The following MAP4K5 variants were observed in gnomAD, a reference collection of about 807,000 sequenced individuals.
MAP4K5 encodes mitogen-activated protein kinase kinase kinase kinase 5.
In MAP4K5, 82 loss-of-function variants were observed where a neutral mutation model predicts 135.6. The observed-to-expected ratio is 0.60, with a 90% confidence interval of 0.51 to 0.73. The LOEUF (loss-of-function observed/expected upper bound fraction) is 0.73. Ranked by LOEUF, MAP4K5 falls within the 30% of genes least tolerant of loss-of-function variation. The pLI, the probability that MAP4K5 is intolerant of heterozygous loss-of-function variation, is 0.00. For missense variants in MAP4K5, 907 were observed against 1,010.9 expected (o/e 0.90, Z 1.39); for synonymous variants, 347 against 335.0 (o/e 1.04, Z -0.39).
chr14:50,510,708 T>G (rs73289808), intron 2 of MAP4K5, among the ~76,000 whole-genome samples: 11 of 152,302 alleles, frequency 7.2e-5, no homozygotes, highest in Non-Finnish European at 1.6e-4. Context: ...ACTACAAAAG[T>G]AAGATTTTGT....
At chr14:50,516,394 C>T (rs1310555941) in intron 2 of MAP4K5, among the ~76,000 whole-genome samples, 3 of 152,080 alleles carry the variant, frequency 2.0e-5, no homozygotes, top group Non-Finnish European at 4.4e-5. Flanking sequence ...CTAGTGATAT[C>T]CTATAAGCTG....
At chr14:50,557,814 C>A (rs1359736550) in intron 1 of MAP4K5, among the ~76,000 whole-genome samples, 1 of 152,174 alleles carries the variant, frequency 6.6e-6, no homozygotes, top group Non-Finnish European at 1.5e-5. Flanking sequence ...TTTCTAAACA[C>A]CTTTTCTCGT....
At chr14:50,452,984 C>G (rs373109422) in intron 14 of MAP4K5, among the ~76,000 whole-genome samples, 3 of 152,122 alleles carry the variant, frequency 2.0e-5, no homozygotes, top group East Asian at 3.8e-4. Flanking sequence ...CCACTTTTTG[C>G]TAGCTGGAGG....
chr14:50,428,206 G>T (rs1376802022), intron 30 of MAP4K5, among the ~76,000 whole-genome samples: 1 of 151,928 alleles, frequency 6.6e-6, no homozygotes, highest in Non-Finnish European at 1.5e-5. Flanking sequence ...TGTTTCAGGT[G>T]CTTAACAGCC....
intron 13 of MAP4K5, 103 bp downstream of exon 13, chr14:50,462,562 A>T: frequency 1.3e-6 from 1 of 743,300 alleles, no homozygotes; most frequent in Non-Finnish European, 2.3e-6. Context: ...AACCTGTTTT[A>T]ACTAAGTTAA....
chr14:50,471,648 T>C (rs1233257243), intron 9 of MAP4K5: 1 of 152,228 alleles, frequency 6.6e-6, no homozygotes, highest in Non-Finnish European at 1.5e-5. Flanking sequence ...GTGCTCACAC[T>C]GGAGAGAAAC....
intron 29 of MAP4K5, 89 bp downstream of exon 29, chr14:50,429,103 C>T (rs2139644777): frequency 9.1e-6 from 7 of 769,574 alleles, no homozygotes; most frequent in Non-Finnish European, 1.4e-5. Flanking sequence ...TTAGTAAAAA[C>T]AGTAAAAATC....
At chr14:50,462,196 T>C (rs532190160) in intron 13 of MAP4K5, among the ~76,000 whole-genome samples, 1 of 152,334 alleles carries the variant, frequency 6.6e-6, no homozygotes, top group South Asian at 2.1e-4. Context: ...TTTTGTTTTC[T>C]TGGTTGAAAG....
At chr14:50,529,989 G>T (rs1424372597) in intron 2 of MAP4K5, among the ~76,000 whole-genome samples, 1 of 152,194 alleles carries the variant, frequency 6.6e-6, no homozygotes, top group African/African-American at 2.4e-5. Context: ...AAATGGAGGG[G>T]TGGAAGGTGA....
intron 2 of MAP4K5, among the ~76,000 whole-genome samples, chr14:50,528,309 G>A (rs1236676206): frequency 6.6e-6 from 1 of 151,800 alleles, no homozygotes; most frequent in Non-Finnish European, 1.5e-5. Flanking sequence ...GCTTCAGAGG[G>A]GATCTGTGGT....
intron 13 of MAP4K5, among the ~76,000 whole-genome samples, chr14:50,457,708 T>C (rs1007263179): frequency 6.6e-6 from 1 of 152,182 alleles, no homozygotes; most frequent in Non-Finnish European, 1.5e-5. Context: ...GAATTTCCTC[T>C]ATATTACAAA....
chr14:50,490,727 G>A (rs907921788), intron 3 of MAP4K5, among the ~76,000 whole-genome samples: 13 of 152,178 alleles, frequency 8.5e-5, no homozygotes, highest in Non-Finnish European at 1.5e-5. Flanking sequence ...GGGTCACCTT[G>A]AGGGGCTGGT....
At chr14:50,551,922 T>G (rs567099680) in intron 1 of MAP4K5, among the ~76,000 whole-genome samples, 2 of 151,830 alleles carry the variant, frequency 1.3e-5, no homozygotes, top group African/African-American at 4.8e-5. Flanking sequence ...ACAAGGAAAA[T>G]TTGAAAGCAT....
At chr14:50,446,244 C>T in intron 16 of MAP4K5, 123 bp from the exon 17 acceptor site, 1 of 578,968 alleles carries the variant, frequency 1.7e-6, no homozygotes, top group Non-Finnish European at 3.0e-6. Context: ...GATCACGATG[C>T]AGAGTATAAA....
chr14:50,484,411 A>C (rs2037319223), intron 5 of MAP4K5, among the ~76,000 whole-genome samples: 1 of 152,166 alleles, frequency 6.6e-6, no homozygotes. Context: ...TTGTAATTTA[A>C]AAGTTTACTT....
chr14:50,476,218 T>C (rs1566665887), intron 7 of MAP4K5, 41 bp downstream of exon 7: 2 of 1,476,518 alleles, frequency 1.4e-6, no homozygotes, highest in Admixed American at 2.2e-5. Context: ...TAAAATTTCT[T>C]CCAATAGAAT....
intron 2 of MAP4K5, among the ~76,000 whole-genome samples, chr14:50,538,694 AG>A (rs1675378355): frequency 2.0e-5 from 3 of 152,222 alleles, no homozygotes; most frequent in African/African-American, 7.2e-5. Context: ...GCAGGATTCC[AG>A]TAAGTTCTCC....
chr14:50,477,053 G>T (rs566548034), intron 6 of MAP4K5, among the ~76,000 whole-genome samples: 1 of 152,152 alleles, frequency 6.6e-6, no homozygotes. Flanking sequence ...GGGTTGCACT[G>T]AATCTACAGA....
chr14:50,555,443 G>A (rs1042662989), intron 1 of MAP4K5, among the ~76,000 whole-genome samples: 2 of 152,012 alleles, frequency 1.3e-5, no homozygotes, highest in Non-Finnish European at 2.9e-5. Context: ...CACCCGTCCC[G>A]GCTAATTTTT....
Sources: allele counts gnomAD v4.1 joint callset (sites outside exome capture counted in the v4.1 genomes callset), GRCh38; gene constraint gnomAD v4.1.1; transcripts MANE v1.5; gene names NCBI Gene and HGNC (gene_info 2026-07-23, HGNC 2026-07-21).